The following EBF1 variants were observed in gnomAD, a reference collection of about 807,000 sequenced individuals.
EBF1 encodes the protein transcription factor COE1.
In EBF1, 10 loss-of-function variants were observed where a neutral mutation model predicts 68.4. That is an observed-to-expected ratio of 0.15 (90% CI 0.09 to 0.25). The LOEUF (loss-of-function observed/expected upper bound fraction) is 0.25. EBF1 is among the 10% of genes least tolerant of loss of function. EBF1 has a pLI of 1.00. For synonymous variants in EBF1, 298 were observed against 299.8 expected, an observed-to-expected ratio of 0.99 and a Z score of 0.06; for missense variants, 509 against 794.4, an observed-to-expected ratio of 0.64 and a Z score of 4.32.
intron 7 of EBF1, among the ~76,000 whole-genome samples, chr5:158,824,257 C>A (rs1016989887): frequency 2.6e-5 from 4 of 152,226 alleles, no homozygotes; most frequent in Non-Finnish European, 4.4e-5. Flanking sequence ...CCCGTTTAAT[C>A]CACCTATTAT....
Position 159,089,612 on chromosome 5 carries a change from C to T in EBF1, c.412-4873G>A, listed in dbSNP as rs753298466. 7.1e-4 allele frequency among the ~76,000 whole-genome samples: 108 copies of T among 152,226 alleles called. 1 individual carries two copies. Among genetic ancestry groups the T allele is most frequent in the Non-Finnish European group, 1.9e-4 (13 of 67,964 alleles). On this transcript the variant is annotated intron_variant, in intron 4 of 15. Transcript: ENST00000313708. Reference sequence around the variant, plus strand: ...GTGTTTACTTTTCTAATAGTTTTAACTCTTTGTGTTCCACGACAAAATAAA... The same window carrying T: ...GTGTTTACTTTTCTAATAGTTTTAATTCTTTGTGTTCCACGACAAAATAAA...
At chr5:159,015,643 G>A (rs1166174400) in intron 6 of EBF1, among the ~76,000 whole-genome samples, 3 of 152,154 alleles carry the variant, frequency 2.0e-5, no homozygotes, top group Admixed American at 1.3e-4. Flanking sequence ...GGAACACTGA[G>A]ACTATTTAAA....
chr5:158,831,240 G>A (rs1009305727), intron 7 of EBF1, among the ~76,000 whole-genome samples: 4 of 152,072 alleles, frequency 2.6e-5, no homozygotes, highest in African/African-American at 7.2e-5. Flanking sequence ...TATGGCATAC[G>A]GACATGGAAA....
At chr5:159,098,691 A>C (rs908926615) in intron 1 of EBF1, among the ~76,000 whole-genome samples, 1 of 147,116 alleles carries the variant, frequency 6.8e-6, no homozygotes, top group African/African-American at 2.7e-5. Flanking sequence ...AGAAAGAAGA[A>C]AGAAAAGAAG....
intron 6 of EBF1, among the ~76,000 whole-genome samples, chr5:158,906,170 C>A (rs1388070117): frequency 1.3e-5 from 2 of 152,028 alleles, no homozygotes; most frequent in African/African-American, 4.8e-5. Flanking sequence ...CAAAGCTTCT[C>A]TCTTTGCCAG....
intron 6 of EBF1, among the ~76,000 whole-genome samples, chr5:159,029,614 A>AT (rs1406569888): frequency 2.6e-5 from 4 of 152,188 alleles, no homozygotes; most frequent in Non-Finnish European, 5.9e-5. Flanking sequence ...AGTTCTAATA[A>AT]TTTTTTAAAA....
chr5:159,045,123 CT>C (rs1272343234), intron 6 of EBF1, among the ~76,000 whole-genome samples: 2 of 152,066 alleles, frequency 1.3e-5, no homozygotes, highest in African/African-American at 4.8e-5. Flanking sequence ...AAAAAAGAAA[CT>C]TTGGTTCATT....
chr5:158,789,950 C>A (rs1778276553), intron 9 of EBF1, among the ~76,000 whole-genome samples: 1 of 152,252 alleles, frequency 6.6e-6, no homozygotes, highest in South Asian at 2.1e-4. Flanking sequence ...CTGCATTTAC[C>A]ACTTGGTTTT....
In EBF1 at chr5:158,883,421, C is replaced by T. The variant is rs185250216; in HGVS notation, c.555-43311G>A. Among the ~76,000 whole-genome samples the T allele has an allele frequency of 2.9e-3, 409 of 142,890 alleles. 5 individuals carry two copies. The highest frequency in any genetic ancestry group is 0.01 in the African/African-American group (395 of 38,634). 93.7% of individuals were successfully genotyped at this position (142,890 alleles called of 152,430 possible). A position where few individuals can be genotyped will look rare whatever the true frequency, so the allele number is the denominator to read the frequency against. ...ATGTGTGTATATATATACATACATA[C>T]GTATATATATATATACACATACACA... On this transcript the variant is annotated intron_variant, in intron 6 of 15. Coordinates refer to ENST00000313708, the MANE Select transcript of EBF1 (RefSeq NM_024007.5).
At chr5:158,819,445 C>G (rs188294763) in intron 8 of EBF1, among the ~76,000 whole-genome samples, 1 of 152,214 alleles carries the variant, frequency 6.6e-6, no homozygotes, top group East Asian at 1.9e-4. Flanking sequence ...CATTTTGCCA[C>G]AGGGGGAAGA....
chr5:158,966,463 A>G (rs909771996), intron 6 of EBF1, among the ~76,000 whole-genome samples: 1 of 152,164 alleles, frequency 6.6e-6, no homozygotes, highest in East Asian at 1.9e-4. Flanking sequence ...CATTACAGTC[A>G]AATCTCAGAC....
At chr5:158,803,163 G>A (rs1780924243) in intron 8 of EBF1, among the ~76,000 whole-genome samples, 1 of 152,030 alleles carries the variant, frequency 6.6e-6, no homozygotes, top group Admixed American at 6.6e-5. Context: ...AAACCCATGA[G>A]CTCAGCTCAT....
chr5:158,915,920 G>A (rs969975929), intron 6 of EBF1, among the ~76,000 whole-genome samples: 6 of 152,148 alleles, frequency 3.9e-5, no homozygotes, highest in African/African-American at 1.4e-4. Context: ...AGTTTATTAA[G>A]AACCTTCACG....
intron 9 of EBF1, among the ~76,000 whole-genome samples, chr5:158,780,283 G>A (rs1776179282): frequency 6.6e-6 from 1 of 152,076 alleles, no homozygotes; most frequent in Non-Finnish European, 1.5e-5. Flanking sequence ...GGAGGGACAG[G>A]GTCTAGATCT....
chr5:159,095,349 C>A (rs1398967063), intron 4 of EBF1, among the ~76,000 whole-genome samples: 1 of 152,154 alleles, frequency 6.6e-6, no homozygotes, highest in Non-Finnish European at 1.5e-5. Flanking sequence ...AGAGGAAATT[C>A]AGCCCTTTTT....
intron 6 of EBF1, among the ~76,000 whole-genome samples, chr5:158,956,700 G>C (rs1328733662): frequency 6.6e-6 from 1 of 150,818 alleles, no homozygotes; most frequent in African/African-American, 2.4e-5. Context: ...AGAAGAGAAG[G>C]TTCTAGATGT....
intron 9 of EBF1, among the ~76,000 whole-genome samples, chr5:158,784,880 T>TCATTGACA (rs2127708194): frequency 6.6e-6 from 1 of 152,292 alleles, no homozygotes; most frequent in South Asian, 2.1e-4. Context: ...GCCCATTCAC[T>TCATTGACA]CATTGACACC....
rs1253976173 is a variant in EBF1 at position 158,908,371 on chromosome 5, C to T, written c.555-68261G>A. ...TATTGCCACAGATAAATTAACTTAA[C>T]ATGATATCTTGGCTGAGGGGTGTCA... is the stretch of plus-strand genomic sequence containing the variant. On this transcript the variant is annotated intron_variant, in intron 6 of 15. Coordinates refer to ENST00000313708, the MANE Select transcript of EBF1 (RefSeq NM_024007.5). Among the ~76,000 whole-genome samples, 3 of 152,188 alleles carry T rather than the reference C, an allele frequency of 2.0e-5. No homozygotes were observed. In the East Asian group the frequency reaches 5.8e-4, roughly 29 times the overall value.
intron 8 of EBF1, among the ~76,000 whole-genome samples, chr5:158,817,499 A>C (rs1027409861): frequency 4.6e-5 from 7 of 152,134 alleles, no homozygotes; most frequent in African/African-American, 1.7e-4. Flanking sequence ...CAATAGGATG[A>C]TGCAGCCTGG....
Sources: gnomAD v4.1 joint callset for allele counts (sites outside exome capture counted in the v4.1 genomes callset) on GRCh38, gnomAD v4.1.1 for gene constraint, MANE v1.5 for transcripts, NCBI Gene and HGNC (gene_info 2026-07-23, HGNC 2026-07-21) for gene names.